The following RBFOX1 variants were observed in gnomAD, a reference collection of about 807,000 sequenced individuals.
RBFOX1 encodes the protein RNA binding protein fox-1 homolog 1.
RBFOX1 carries 8 observed loss-of-function variants against 57.7 expected under a neutral mutation model. That is an observed-to-expected ratio of 0.14 (90% CI 0.08 to 0.25). The LOEUF (loss-of-function observed/expected upper bound fraction) is 0.25, where lower values mean the gene tolerates loss of function less well. RBFOX1 is among the 10% of genes least tolerant of loss of function. RBFOX1 has a pLI of 1.00. For missense variants in RBFOX1, 611 were observed against 548.5 expected (o/e 1.11, Z -1.14); for synonymous variants, 326 against 222.4 (o/e 1.47, Z -4.15).
intron 5 of RBFOX1, among the ~76,000 whole-genome samples, chr16:7,568,759 C>T (rs2092418534): frequency 6.6e-6 from 1 of 151,568 alleles, no homozygotes; most frequent in African/African-American, 2.4e-5. Context: ...TGGTGGCGGG[C>T]ACTTGTAGTG....
At chr16:7,032,262 T>TA (rs1409382723) in intron 3 of RBFOX1, among the ~76,000 whole-genome samples, 3 of 151,824 alleles carry the variant, frequency 2.0e-5, no homozygotes, top group South Asian at 2.1e-4. Context: ...CCATCTCTAC[T>TA]AAAAAAACAA....
At position 6,877,767 on chromosome 16, in the gene RBFOX1, T is replaced by G. The variant is rs146338125; in HGVS notation, c.-15-174290T>G. Among the ~76,000 whole-genome samples the G allele has an allele frequency of 6.0e-3, 906 of 152,104 alleles. 7 individuals carry two copies. Among genetic ancestry groups the G allele is most frequent in the Middle Eastern group, 0.014 (4 of 290 alleles). ...ATTTCTGTAGGACTTTTAAATTGTA[T>G]AAATTGCTTTAACGCATGCAGTTAC... is the stretch of plus-strand genomic sequence containing the variant. On this transcript the variant is annotated intron_variant, in intron 3 of 15. Transcript: ENST00000550418.
At chr16:5,543,884 A>G (rs2045071855) in intron 2 of RBFOX1, among the ~76,000 whole-genome samples, 1 of 152,236 alleles carries the variant, frequency 6.6e-6, no homozygotes, top group African/African-American at 2.4e-5. Flanking sequence ...GAGTAAAACA[A>G]CAAAACAAAA....
chr16:5,548,170 A>ATATATATATAT (rs1317008346), intron 2 of RBFOX1, among the ~76,000 whole-genome samples: 52 of 40,646 alleles, frequency 1.3e-3, no homozygotes, highest in East Asian at 3.5e-3. Context: ...AAAAAAAAAA[A>ATATATATATAT]AAAAATATAT....
intron 4 of RBFOX1, among the ~76,000 whole-genome samples, chr16:5,886,395 C>A (rs1039561593): frequency 6.6e-6 from 1 of 152,178 alleles, no homozygotes; most frequent in South Asian, 2.1e-4. Flanking sequence ...TTAGTTATTA[C>A]CAATCTCAAG....
chr16:5,599,117 C>T (rs1396453261), exon 3 of RBFOX1: 1 of 762,444 alleles, frequency 1.3e-6, no homozygotes, highest in East Asian at 2.7e-5. Flanking sequence ...ATAAATTTTC[C>T]AGAGCACTTG....
chr16:6,327,483 G>C (rs2082510247), intron 2 of RBFOX1, among the ~76,000 whole-genome samples: 1 of 151,954 alleles, frequency 6.6e-6, no homozygotes, highest in Admixed American at 6.6e-5. Flanking sequence ...TTTTTTAATG[G>C]ATTTGCTCAT....
intron 4 of RBFOX1, among the ~76,000 whole-genome samples, chr16:7,080,582 A>T (rs1010228173): frequency 1.3e-5 from 2 of 151,932 alleles, no homozygotes; most frequent in East Asian, 3.9e-4. Flanking sequence ...TTCCTCAGCA[A>T]TTTGCTCTCT....
chr16:6,756,743 AG>A (rs954000483), intron 3 of RBFOX1, among the ~76,000 whole-genome samples: 3 of 152,176 alleles, frequency 2.0e-5, no homozygotes, highest in Non-Finnish European at 2.9e-5. Flanking sequence ...AGGCTGAGGC[AG>A]GGGGGTCATG....
rs369033509 is a variant in RBFOX1, at chr16:7,068,290, G to A, written c.27+16192G>A. On this transcript the variant is annotated intron_variant, in intron 4 of 15. Transcript: ENST00000550418. ...TTATGTAGTATCCCCACTCTAAGTA[G>A]ACTGATTCTCCATGTGTATTCAAAC... Among the ~76,000 whole-genome samples, 10 of 152,274 alleles carry A rather than the reference G, an allele frequency of 6.6e-5. No homozygotes were observed. The East Asian group carries it at 1.2e-3, about 18-fold the overall frequency.
At chr16:6,076,712 A>G (rs754022331) in intron 1 of RBFOX1, among the ~76,000 whole-genome samples, 26 of 152,294 alleles carry the variant, frequency 1.7e-4, no homozygotes, top group South Asian at 4.1e-4. Context: ...CACAGAGTCC[A>G]ATGTACATAG....
chr16:6,024,764 G>A lies in RBFOX1; in HGVS notation c.-127+4772G>A, dbSNP rs546921417. Among the ~76,000 whole-genome samples, 56 of 152,314 alleles carry A rather than the reference G, an allele frequency of 3.7e-4. No homozygotes were observed. In the South Asian group the frequency reaches 7.7e-3, roughly 21 times the overall value. ...CTCTCAAAGTGCTAGGATTACAGGC[G>A]TGAGCCACCACGCCCAGCCTCATTC... On this transcript the variant is annotated intron_variant, in intron 1 of 15. Coordinates refer to ENST00000550418, the MANE Select transcript of RBFOX1 (RefSeq NM_018723.4).
chr16:7,068,357 A>T (rs1352914266), intron 4 of RBFOX1, among the ~76,000 whole-genome samples: 1 of 152,064 alleles, frequency 6.6e-6, no homozygotes, highest in Non-Finnish European at 1.5e-5. Flanking sequence ...GTCCACCTCC[A>T]TTTTCATATA....
intron 1 of RBFOX1, among the ~76,000 whole-genome samples, chr16:6,265,346 C>T (rs1295378729): frequency 1.3e-5 from 2 of 152,112 alleles, no homozygotes; most frequent in African/African-American, 4.8e-5. Flanking sequence ...ACTACAACCT[C>T]TGCCTCCCAA....
intron 4 of RBFOX1, among the ~76,000 whole-genome samples, chr16:7,234,410 T>A (rs879918435): frequency 9.9e-5 from 15 of 152,024 alleles, no homozygotes; most frequent in Admixed American, 9.8e-4. Context: ...AAAGCTAACC[T>A]TTGGGAGGTA....
chr16:6,784,872 C>G (rs773778320), intron 3 of RBFOX1, among the ~76,000 whole-genome samples: 7 of 151,972 alleles, frequency 4.6e-5, no homozygotes, highest in Non-Finnish European at 8.8e-5. Flanking sequence ...TGTATAAGAG[C>G]TAAGTGAAGG....
intron 5 of RBFOX1, among the ~76,000 whole-genome samples, chr16:7,532,951 T>G (rs902084481): frequency 6.6e-6 from 1 of 152,244 alleles, no homozygotes. Flanking sequence ...TTTATTGGAC[T>G]CACATTAATT....
At chr16:5,457,456 G>C (rs546549159) in intron 1 of RBFOX1, among the ~76,000 whole-genome samples, 1 of 152,230 alleles carries the variant, frequency 6.6e-6, no homozygotes, top group East Asian at 1.9e-4. Flanking sequence ...TTTTATAAGA[G>C]CACTAATCCC....
chr16:5,331,892 C>G (rs1172111278), intron 1 of RBFOX1, among the ~76,000 whole-genome samples: 1 of 152,226 alleles, frequency 6.6e-6, no homozygotes, highest in Admixed American at 6.5e-5. Context: ...GCATGTTCTT[C>G]CCTTCCATCT....
Sources: gnomAD v4.1 joint callset for allele counts (sites outside exome capture counted in the v4.1 genomes callset) on GRCh38, gnomAD v4.1.1 for gene constraint, MANE v1.5 for transcripts, NCBI Gene and HGNC (gene_info 2026-07-23, HGNC 2026-07-21) for gene names.